EYS: variants seen among roughly 807,000 people sequenced by gnomAD.
EYS encodes EGF-like photoreceptor maintenance factor.
A neutral mutation model predicts 282.1 loss-of-function variants in EYS; 250 were observed. That is an observed-to-expected ratio of 0.89 (90% confidence interval 0.80 to 0.98). EYS has a LOEUF of 0.98. Among genes scored for constraint, EYS ranks in the 50% least tolerant of loss-of-function variants. The probability of loss-of-function intolerance (pLI) is 0.00; values close to 1 mark genes in which losing one functional copy is unlikely to be tolerated. For missense variants in EYS, 4,016 were observed against 3,709.0 expected, an observed-to-expected ratio of 1.08 and a Z score of -2.15; for synonymous variants, 1,355 against 1,282.9, an observed-to-expected ratio of 1.06 and a Z score of -1.20.
chr6:65,495,627 T>C lies in EYS; in HGVS notation c.-197-20A>G, dbSNP rs1168688591. 1 of 598,188 alleles carries C rather than the reference T, an allele frequency of 1.7e-6. No individual in the cohort carries two copies. The highest frequency in any genetic ancestry group is 2.8e-5 in the East Asian group (1 of 35,760). 37.1% of individuals were successfully genotyped at this position (598,188 alleles called of 1,614,324 possible). On this transcript the variant is annotated intron_variant, in intron 3 of 42. Coordinates refer to ENST00000503581, the MANE Select transcript of EYS (RefSeq NM_001142800.2). The stretch of plus-strand genomic sequence containing the variant: ...ATATTCCTTTAAACAGAAAAAAACA[T>C]ATATTGTTAGTGAAGTTTTCCCTAA...
intron 41 of EYS, among the ~76,000 whole-genome samples, chr6:63,755,953 T>C (rs1769469905): frequency 6.6e-6 from 1 of 152,238 alleles, no homozygotes; most frequent in Non-Finnish European, 1.5e-5. Flanking sequence ...TGTATAGGAA[T>C]GCTTGTGATT....
At chr6:64,753,765 G>A (rs141363444) in intron 22 of EYS, among the ~76,000 whole-genome samples, 1 of 152,022 alleles carries the variant, frequency 6.6e-6, no homozygotes, top group African/African-American at 2.4e-5. Context: ...CCTAATAGAT[G>A]TCTACAGAAC....
intron 36 of EYS, among the ~76,000 whole-genome samples, chr6:63,850,583 T>C (rs1010873291): frequency 1.3e-5 from 2 of 152,184 alleles, no homozygotes; most frequent in Admixed American, 1.3e-4. Flanking sequence ...CTAAGCTTCA[T>C]AAGCGAAGGA....
At chr6:65,310,128 G>T (rs978374466) in intron 11 of EYS, among the ~76,000 whole-genome samples, 1 of 152,126 alleles carries the variant, frequency 6.6e-6, no homozygotes, top group African/African-American at 2.4e-5. Flanking sequence ...CAGATCACTT[G>T]AGGTCAGGAG....
intron 41 of EYS, among the ~76,000 whole-genome samples, chr6:63,728,671 A>G (rs1271050312): frequency 6.6e-6 from 1 of 152,190 alleles, no homozygotes; most frequent in African/African-American, 2.4e-5. Flanking sequence ...ATTTACCATT[A>G]CAGTATCATA....
At chr6:63,980,891 G>T (rs1219232452) in intron 35 of EYS, among the ~76,000 whole-genome samples, 1 of 151,848 alleles carries the variant, frequency 6.6e-6, no homozygotes, top group Non-Finnish European at 1.5e-5. Flanking sequence ...AGAACCTTTG[G>T]CTTCGGCTAA....
At chr6:64,289,240 T>C (rs909698615) in intron 30 of EYS, among the ~76,000 whole-genome samples, 2 of 152,068 alleles carry the variant, frequency 1.3e-5, no homozygotes, top group African/African-American at 4.8e-5. Flanking sequence ...CTCTTTCCTC[T>C]TCTGGTAAAC....
chr6:63,777,056 A>G (rs188760966), intron 40 of EYS, among the ~76,000 whole-genome samples: 148 of 152,326 alleles, frequency 9.7e-4, no homozygotes, highest in Non-Finnish European at 1.9e-3. Context: ...TTGCTCTGTG[A>G]TGGTGGCATC....
chr6:65,457,308 G>T (rs1189335429), intron 5 of EYS, among the ~76,000 whole-genome samples: 1 of 152,078 alleles, frequency 6.6e-6, no homozygotes, highest in Non-Finnish European at 1.5e-5. Flanking sequence ...GTGACCACAG[G>T]CATGTGCCAC....
chr6:64,864,248 C>T (rs1161308111), intron 19 of EYS, among the ~76,000 whole-genome samples: 1 of 151,926 alleles, frequency 6.6e-6, no homozygotes, highest in African/African-American at 2.4e-5. Flanking sequence ...CATCCACTGT[C>T]CCCCTTGGTA....
intron 10 of EYS, among the ~76,000 whole-genome samples, chr6:65,337,155 G>A (rs1387275802): frequency 1.3e-5 from 2 of 151,438 alleles, no homozygotes; most frequent in African/African-American, 2.4e-5. Flanking sequence ...AATCAAATGA[G>A]AATCTGTCTT....
At chr6:64,946,880 C>T (rs1482383987) in intron 14 of EYS, among the ~76,000 whole-genome samples, 2 of 151,962 alleles carry the variant, frequency 1.3e-5, no homozygotes, top group African/African-American at 2.4e-5. Flanking sequence ...CGTACGATTT[C>T]AATTAATTTC....
At chr6:64,191,483 C>CG (rs1021767155) in intron 31 of EYS, among the ~76,000 whole-genome samples, 26 of 145,952 alleles carry the variant, frequency 1.8e-4, no homozygotes, top group Admixed American at 5.5e-4. Flanking sequence ...CCCTTCCCCC[C>CG]CCACCCCAAA....
intron 34 of EYS, among the ~76,000 whole-genome samples, chr6:63,986,226 C>T (rs1469713071): frequency 6.6e-6 from 1 of 150,910 alleles, no homozygotes; most frequent in Non-Finnish European, 1.5e-5. Flanking sequence ...AATGAGATAC[C>T]ATCTCACACC....
chr6:65,319,113 C>G (rs1322483962), intron 11 of EYS, among the ~76,000 whole-genome samples: 1 of 141,026 alleles, frequency 7.1e-6, no homozygotes, highest in Non-Finnish European at 1.5e-5. Context: ...AATCCCAGCA[C>G]TTTGAGAGGC....
chr6:65,507,232 G>T (rs1389049338), intron 2 of EYS, among the ~76,000 whole-genome samples: 10 of 152,072 alleles, frequency 6.6e-5, no homozygotes, highest in Admixed American at 6.6e-4. Flanking sequence ...CTCTTGAAAG[G>T]TATATCATTG....
intron 15 of EYS, among the ~76,000 whole-genome samples, chr6:64,927,805 C>G (rs1453853073): frequency 6.6e-6 from 1 of 151,400 alleles, no homozygotes; most frequent in African/African-American, 2.4e-5. Flanking sequence ...CTATGAAACC[C>G]CTTTATTAAG....
intron 26 of EYS, among the ~76,000 whole-genome samples, chr6:64,532,797 G>T (rs1296730679): frequency 6.6e-6 from 1 of 152,004 alleles, no homozygotes; most frequent in African/African-American, 2.4e-5. Flanking sequence ...CCCACACAAC[G>T]TTCAACATAT....
chr6:65,104,886 A>C (rs1486530236), intron 12 of EYS, among the ~76,000 whole-genome samples: 1 of 151,680 alleles, frequency 6.6e-6, no homozygotes, highest in Non-Finnish European at 1.5e-5. Flanking sequence ...CTGAAAACAC[A>C]AATATTTAGC....
Sources: gnomAD v4.1 joint callset for allele counts (sites outside exome capture counted in the v4.1 genomes callset) on GRCh38, gnomAD v4.1.1 for gene constraint, MANE v1.5 for transcripts, NCBI Gene and HGNC (gene_info 2026-07-23, HGNC 2026-07-21) for gene names.